Variants in ZHX2 observed in about 807,000 individuals in gnomAD.
The protein encoded by ZHX2 is zinc fingers and homeoboxes protein 2.
Under a neutral mutation model 21.9 loss-of-function variants are expected in ZHX2, and 6 were observed. The observed-to-expected ratio is 0.27, with a 90% CI of 0.15 to 0.54. The LOEUF (loss-of-function observed/expected upper bound fraction) is 0.54. ZHX2 is among the 20% of genes least tolerant of loss of function. The pLI is 0.95. For synonymous variants in ZHX2, 434 were observed against 437.1 expected (o/e 0.99, Z 0.09); for missense variants, 908 against 1,090.7 (o/e 0.83, Z 2.36).
At chr8:122,798,825 A>C (rs1650110419) in intron 1 of ZHX2, among the ~76,000 whole-genome samples, 1 of 151,950 alleles carries the variant, frequency 6.6e-6, no homozygotes, top group African/African-American at 2.4e-5. Context: ...AGAAAGAAAG[A>C]AAAGTAAGGA....
intron 1 of ZHX2, among the ~76,000 whole-genome samples, chr8:122,819,117 G>C (rs999202567): frequency 6.6e-6 from 1 of 152,192 alleles, no homozygotes; most frequent in African/African-American, 2.4e-5. Flanking sequence ...AGGCCAGATG[G>C]GAGGCCAGTG....
chr8:122,908,781 A>G (rs961228164), intron 2 of ZHX2, among the ~76,000 whole-genome samples: 4 of 152,192 alleles, frequency 2.6e-5, no homozygotes, highest in Non-Finnish European at 1.5e-5. Context: ...ATGAAGTGAG[A>G]AGGCAAAGGG....
chr8:122,912,797 G>A, intron 2 of ZHX2, among the ~76,000 whole-genome samples: 1 of 152,102 alleles, frequency 6.6e-6, no homozygotes, highest in African/African-American at 2.4e-5. Flanking sequence ...GCAAAGCAAA[G>A]GGTTCTTTGC....
chr8:122,783,028 G>T (rs1024222373), intron 1 of ZHX2, among the ~76,000 whole-genome samples: 6 of 152,152 alleles, frequency 3.9e-5, no homozygotes, highest in Admixed American at 2.0e-4. Context: ...CTTTGGCCTC[G>T]TAGCTGTGCT....
rs75905549 is a variant in ZHX2, at chr8:122,844,408, C to T, written c.-282-19069C>T. Among the ~76,000 whole-genome samples, 170 of 152,318 alleles carry T rather than the reference C, an allele frequency of 1.1e-3. 1 individual carries two copies. Among genetic ancestry groups the T allele is most frequent in the African/African-American group, 3.9e-3 (164 of 41,574 alleles). Reference sequence around the variant, plus strand: ...GCCACCTTCTCTGAGCTTCGCATTGCGAATCTGACCTGCTCTTCTCCCAAG... The same window carrying T: ...GCCACCTTCTCTGAGCTTCGCATTGTGAATCTGACCTGCTCTTCTCCCAAG... On this transcript the variant is annotated intron_variant, in intron 1 of 3. Transcript: ENST00000314393.
In ZHX2 at chr8:122,953,224, G is replaced by C; in HGVS notation, c.1714G>C (p.Glu572Gln). The change falls in exon 3 of 4, where the codon GAG (glutamate) becomes CAG (glutamine). Residue 572 changes from glutamate (E) to glutamine (Q), a missense_variant. Glu to Gln is a conservative substitution (Grantham distance 29). Around this residue, in one of 4 missense-constraint regions of ZHX2, gnomAD observed 431 missense variants for 428.6 expected, o/e 1.01. Transcript: ENST00000314393. This position sits in a 1 kb window ranked among gnomAD's most constrained non-coding sequence, Gnocchi z 4.6. ...LRVETKLSRR[E>Q]IDSWFSERRK... ...GGTGGAGACCAAGCTGAGCAGGAGA[G>C]AGATCGACTCCTGGTTCTCGGAGAG... 6.2e-7 allele frequency: 1 copy of C among 1,613,956 alleles called. No individual in the cohort carries two copies. The highest frequency in any genetic ancestry group is 1.1e-5 in the South Asian group (1 of 91,064).
intron 1 of ZHX2, among the ~76,000 whole-genome samples, chr8:122,788,338 G>A (rs570918101): frequency 2.0e-5 from 3 of 152,128 alleles, no homozygotes; most frequent in African/African-American, 7.2e-5. Flanking sequence ...CAGGTGGATC[G>A]CTTGAGCTCA....
At chr8:122,873,540 C>T (rs768304592) in intron 2 of ZHX2, among the ~76,000 whole-genome samples, 15 of 152,326 alleles carry the variant, frequency 9.8e-5, no homozygotes, top group African/African-American at 2.4e-4. Flanking sequence ...AAGGGCCCCT[C>T]GTCCTGCGGC....
At chr8:122,849,742 G>A (rs1413926467) in intron 1 of ZHX2, among the ~76,000 whole-genome samples, 1 of 152,134 alleles carries the variant, frequency 6.6e-6, no homozygotes, top group African/African-American at 2.4e-5. Context: ...TTTCAAATAA[G>A]CTCGCATTCA....
chr8:122,792,407 G>A (rs920678185), intron 1 of ZHX2, among the ~76,000 whole-genome samples: 7 of 152,180 alleles, frequency 4.6e-5, no homozygotes, highest in African/African-American at 1.7e-4. Flanking sequence ...GCTTTATGGT[G>A]ATTATGATGC....
At chr8:122,815,191 G>A (rs139720753) in intron 1 of ZHX2, among the ~76,000 whole-genome samples, 159 of 152,176 alleles carry the variant, frequency 1.0e-3, no homozygotes, top group Admixed American at 2.6e-3. Flanking sequence ...TTTATTGTAC[G>A]TACCACGGGC....
chr8:122,781,112 A>G (rs1015858313), upstream of ZHX2: 1 of 152,202 alleles, frequency 6.6e-6, no homozygotes, highest in Non-Finnish European at 1.5e-5. This position sits in a 1 kb window ranked among gnomAD's most constrained non-coding sequence, Gnocchi z 4.6. Flanking sequence ...CTGAGCCTGA[A>G]GCCGGGCCAA....
intron 1 of ZHX2, among the ~76,000 whole-genome samples, chr8:122,809,700 C>T (rs988782387): frequency 6.6e-6 from 1 of 152,064 alleles, no homozygotes; most frequent in Non-Finnish European, 1.5e-5. Context: ...CCACTTGTCA[C>T]GCGTGGGGCC....
chr8:122,956,844 C>T (rs973577834), intron 3 of ZHX2, among the ~76,000 whole-genome samples: 6 of 152,218 alleles, frequency 3.9e-5, no homozygotes, highest in East Asian at 1.9e-4. Flanking sequence ...CTAGGGGCGG[C>T]GGTTCTCCAG....
intron 2 of ZHX2, among the ~76,000 whole-genome samples, chr8:122,867,109 C>T (rs1819319472): frequency 6.6e-6 from 1 of 152,084 alleles, no homozygotes; most frequent in Non-Finnish European, 1.5e-5. Context: ...GCTGGGGTTA[C>T]AGGCATGAGC....
intron 1 of ZHX2, among the ~76,000 whole-genome samples, chr8:122,841,002 C>T (rs1818611708): frequency 6.6e-6 from 1 of 152,232 alleles, no homozygotes; most frequent in Non-Finnish European, 1.5e-5. Flanking sequence ...CCGGAAAACA[C>T]AGAGAAGCAG....
At chr8:122,876,929 T>C (rs1819588283) in intron 2 of ZHX2, among the ~76,000 whole-genome samples, 2 of 152,134 alleles carry the variant, frequency 1.3e-5, no homozygotes, top group South Asian at 2.1e-4. Flanking sequence ...TGGGGGTGAA[T>C]GTCAAGAGAG....
chr8:122,969,093 G>A (rs1813656312), intron 3 of ZHX2, among the ~76,000 whole-genome samples: 1 of 151,876 alleles, frequency 6.6e-6, no homozygotes, highest in Non-Finnish European at 1.5e-5. Flanking sequence ...CCCAGGAGGT[G>A]GGGATTGCAG....
At chr8:122,944,105 C>A (rs555552016) in intron 2 of ZHX2, among the ~76,000 whole-genome samples, 62 of 152,282 alleles carry the variant, frequency 4.1e-4, no homozygotes, top group African/African-American at 1.4e-3. Context: ...CCTCTACCTC[C>A]CAGAATTCTA....
Sources: allele counts gnomAD v4.1 joint callset (sites outside exome capture counted in the v4.1 genomes callset), GRCh38; gene constraint gnomAD v4.1.1; regional missense constraint gnomAD v4.1.1; non-coding constraint Gnocchi (gnomAD v3.1); transcripts MANE v1.5; gene names NCBI Gene and HGNC (gene_info 2026-07-23, HGNC 2026-07-21).